MTURN: variants seen among roughly 807,000 people sequenced by gnomAD.
MTURN encodes maturin.
MTURN carries 7 observed loss-of-function variants against 14.9 expected under a neutral mutation model. That is an observed-to-expected ratio of 0.47 (90% CI 0.27 to 0.88). The LOEUF (loss-of-function observed/expected upper bound fraction) is 0.88. Ranked by LOEUF, MTURN falls within the 40% of genes least tolerant of loss-of-function variation. The pLI is 0.14. For synonymous variants in MTURN, 69 were observed against 72.5 expected, an observed-to-expected ratio of 0.95 and a Z score of 0.25; for missense variants, 151 against 174.1, an observed-to-expected ratio of 0.87 and a Z score of 0.75.
In MTURN at chr7:30,135,133, C is replaced by T. The variant is rs369223835; in HGVS notation, c.-4C>T. On this transcript the variant is annotated 5_prime_UTR_variant, in exon 1 of 3. Coordinates refer to ENST00000324453, the MANE Select transcript of MTURN (RefSeq NM_152793.3). Reference sequence around the variant, plus strand: ...CGGCGGCGGGAGGCGGGCGCGGGGCCGCGATGGATTTCCAGCAGCTGGCCG... The same window carrying T: ...CGGCGGCGGGAGGCGGGCGCGGGGCTGCGATGGATTTCCAGCAGCTGGCCG... 233 of 1,444,194 alleles carry T rather than the reference C, an allele frequency of 1.6e-4. No homozygotes were observed. The African/African-American group carries it at 3.3e-3, about 20-fold the overall frequency. 89.5% of individuals were successfully genotyped at this position (1,444,194 alleles called of 1,614,324 possible).
chr7:30,137,642 T>A (rs1240457844), intron 1 of MTURN: 2 of 471,226 alleles, frequency 4.2e-6, no homozygotes, highest in Non-Finnish European at 8.8e-6. Context: ...ATGGACAAGA[T>A]GCCAACCTCG....
intron 1 of MTURN, among the ~76,000 whole-genome samples, chr7:30,139,979 AG>A (rs775250156): frequency 3.0e-4 from 46 of 152,260 alleles, no homozygotes; most frequent in Admixed American, 3.9e-4. Context: ...CCCTGGTCAG[AG>A]GGGTCCAAGG....
chr7:30,153,385 A>G (rs1360786220), intron 2 of MTURN, among the ~76,000 whole-genome samples: 1 of 152,162 alleles, frequency 6.6e-6, no homozygotes, highest in Non-Finnish European at 1.5e-5. Flanking sequence ...TTAGCATTTC[A>G]TATTGCATTT....
At chr7:30,138,428 T>G (rs754966454) in intron 1 of MTURN, among the ~76,000 whole-genome samples, 6 of 152,178 alleles carry the variant, frequency 3.9e-5, no homozygotes, top group Non-Finnish European at 7.3e-5. Flanking sequence ...ATGCCATAGT[T>G]TCTACATCTG....
At chr7:30,138,946 A>G (rs760857696) in intron 1 of MTURN, among the ~76,000 whole-genome samples, 10 of 152,068 alleles carry the variant, frequency 6.6e-5, no homozygotes, top group Non-Finnish European at 1.2e-4. Flanking sequence ...CCTGAGGCCC[A>G]AGAGAAGCCT....
intron 1 of MTURN, among the ~76,000 whole-genome samples, chr7:30,140,409 G>GTC (rs1471301493): frequency 3.9e-5 from 1 of 25,440 alleles, no homozygotes; most frequent in African/African-American, 7.7e-5. Context: ...GTGTGTGTGT[G>GTC]TGTGTGTATC....
In MTURN at chr7:30,145,492, T is replaced by TGAAAAA. The variant is rs561238993; in HGVS notation, c.163-668_163-663dup. The stretch of plus-strand genomic sequence containing the variant: ...CTGGGCAACAGAGCAAAACCCTGTC[T>TGAAAAA]GAAAAAGAAAAAGAAAAAGAAACAA... On this transcript the variant is annotated intron_variant, in intron 1 of 2. Transcript: ENST00000324453. 3.3e-5 allele frequency among the ~76,000 whole-genome samples: 5 copies of TGAAAAA among 152,124 alleles called. No homozygotes were observed. In the South Asian group the frequency reaches 6.2e-4, roughly 19 times the overall value.
intron 2 of MTURN, among the ~76,000 whole-genome samples, chr7:30,155,003 T>C (rs1349792493): frequency 2.0e-5 from 3 of 152,170 alleles, no homozygotes; most frequent in Admixed American, 1.3e-4. Context: ...GTGCTACCTA[T>C]GGTTTGGGTC....
rs1209875216 is a variant in MTURN at position 30,158,858 on chromosome 7, C to A, written c.*1310C>A. ...GCCTCCTTTACAACACTAGATTAAA[C>A]CTAGCATCTGGGGTGGGTACGTTTA... On this transcript the variant is annotated 3_prime_UTR_variant, in exon 3 of 3. Transcript: ENST00000324453. 6.6e-6 allele frequency: 1 copy of A among 152,106 alleles called. No individual in the cohort carries two copies. The highest frequency in any genetic ancestry group is 2.4e-5 in the African/African-American group (1 of 41,396). The allele number at this position is 152,106 out of a possible 1,614,324, so 9.4% of individuals were successfully genotyped here. A position where few individuals can be genotyped will look rare whatever the true frequency, so the allele number is the denominator to read the frequency against.
chr7:30,159,143 T>G lies in MTURN; in HGVS notation c.*1595T>G, dbSNP rs1020601857. 6.6e-6 allele frequency: 1 copy of G among 152,256 alleles called. No individual in the cohort carries two copies. Among genetic ancestry groups the G allele is most frequent in the African/African-American group, 2.4e-5 (1 of 41,466 alleles). 9.4% of individuals were successfully genotyped at this position (152,256 alleles called of 1,614,324 possible). On this transcript the variant is annotated 3_prime_UTR_variant, in exon 3 of 3. Coordinates refer to ENST00000324453, the MANE Select transcript of MTURN (RefSeq NM_152793.3). Reference sequence around the variant, plus strand: ...TCCATCTGTGCTTCAGTACCCACTTTGTGTTCTTTTCTTGAAAAGTCATAC... The same window carrying G: ...TCCATCTGTGCTTCAGTACCCACTTGGTGTTCTTTTCTTGAAAAGTCATAC...
intron 2 of MTURN, among the ~76,000 whole-genome samples, chr7:30,150,274 G>A (rs1357124256): frequency 2.6e-5 from 4 of 152,242 alleles, no homozygotes; most frequent in Non-Finnish European, 5.9e-5. Context: ...GGAGAAGTGA[G>A]CAGGTTACCG....
At chr7:30,148,282 A>G (rs1797157085) in intron 2 of MTURN, among the ~76,000 whole-genome samples, 1 of 152,212 alleles carries the variant, frequency 6.6e-6, no homozygotes, top group Non-Finnish European at 1.5e-5. Flanking sequence ...AGCAGCAGGT[A>G]TGAAGGCCTC....
At chr7:30,152,946 T>C (rs1457604593) in intron 2 of MTURN, among the ~76,000 whole-genome samples, 1 of 152,134 alleles carries the variant, frequency 6.6e-6, no homozygotes. Context: ...ACAGGAAGCT[T>C]TGTGGACAGT....
chr7:30,148,192 G>C (rs1797155633), intron 2 of MTURN, among the ~76,000 whole-genome samples: 2 of 152,360 alleles, frequency 1.3e-5, no homozygotes, highest in South Asian at 4.1e-4. Context: ...GCTTTGCTGA[G>C]AAGGTAACAT....
rs76185279 is a variant in MTURN, at chr7:30,150,022, A to G, written c.285+3723A>G. Among the ~76,000 whole-genome samples, 223 of 152,318 alleles carry G rather than the reference A, an allele frequency of 1.5e-3. 4 individuals are homozygous for G. The East Asian group carries it at 0.043, about 29-fold the overall frequency. On this transcript the variant is annotated intron_variant, in intron 2 of 2. Transcript: ENST00000324453. The stretch of plus-strand genomic sequence containing the variant: ...AGAACCCAAGGTCTGTTGTCAGGCT[A>G]CCCGGATTTAAGTCTCAGTTCTACC...
intron 1 of MTURN, among the ~76,000 whole-genome samples, chr7:30,142,691 G>T (rs1353455356): frequency 6.6e-6 from 1 of 151,946 alleles, no homozygotes; most frequent in Non-Finnish European, 1.5e-5. Flanking sequence ...TGCCCCCCCA[G>T]CACGCAACTC....
intron 2 of MTURN, among the ~76,000 whole-genome samples, chr7:30,150,373 AGTTTATCAACATTG>A (rs1797189787): frequency 1.3e-5 from 2 of 152,204 alleles, no homozygotes; most frequent in East Asian, 3.8e-4. Context: ...GTAAGTCAAA[AGTTTATCAACATTG>A]GTTTTGGTAA....
In MTURN at chr7:30,140,413, G is replaced by GTATATATATATATA. The variant is rs1276497717; in HGVS notation, c.162+5116_162+5117insATATATATATATAT. The stretch of plus-strand genomic sequence containing the variant: ...TAGAGGGGTGTGTGTGTGTGTGTGT[G>GTATATATATATATA]TGTATCCCCATTTGTGGTCTGAACA... On this transcript the variant is annotated intron_variant, in intron 1 of 2. Transcript: ENST00000324453. Among the ~76,000 whole-genome samples, 108 of 23,050 alleles carry GTATATATATATATA rather than the reference G, an allele frequency of 4.7e-3. 1 individual carries two copies. Among genetic ancestry groups the GTATATATATATATA allele is most frequent in the African/African-American group, 8.3e-3 (102 of 12,338 alleles). The allele number at this position is 23,050 out of a possible 152,430, so 15.1% of individuals were successfully genotyped here.
intron 1 of MTURN, chr7:30,145,951 G>A (rs767228746): frequency 1.3e-6 from 2 of 1,551,740 alleles, no homozygotes; most frequent in Non-Finnish European, 1.7e-6. Flanking sequence ...GATGAACAGA[G>A]CAGGTGAGGT....
Sources: allele counts gnomAD v4.1 joint callset (sites outside exome capture counted in the v4.1 genomes callset), GRCh38; gene constraint gnomAD v4.1.1; transcripts MANE v1.5; gene names NCBI Gene and HGNC (gene_info 2026-07-23, HGNC 2026-07-21).